Variants in ANKRD44 observed in about 807,000 individuals in gnomAD.
The protein encoded by ANKRD44 is ankyrin repeat domain 44, also known as serine/threonine-protein phosphatase 6 regulatory ankyrin repeat subunit B.
In ANKRD44, 35 loss-of-function variants were observed where a neutral mutation model predicts 116.0. That is an observed-to-expected ratio of 0.30 (90% CI 0.23 to 0.40). The LOEUF (loss-of-function observed/expected upper bound fraction) is 0.40. ANKRD44 is among the 10% of genes least tolerant of loss of function. ANKRD44 has a pLI of 1.00. For synonymous variants in ANKRD44, 435 were observed against 461.8 expected (o/e 0.94, Z 0.74); for missense variants, 1,014 against 1,242.6 (o/e 0.82, Z 2.77).
intron 4 of ANKRD44, among the ~76,000 whole-genome samples, chr2:197,130,187 G>T (rs187562052): frequency 3.9e-5 from 6 of 152,222 alleles, no homozygotes; most frequent in African/African-American, 1.4e-4. Context: ...TGTATAAATT[G>T]ATGTCCAACC....
intron 2 of ANKRD44, among the ~76,000 whole-genome samples, chr2:197,155,944 A>G (rs1331812457): frequency 6.6e-6 from 1 of 152,264 alleles, no homozygotes; most frequent in Non-Finnish European, 1.5e-5. Context: ...TAGAACCTAC[A>G]AAACAACTCT....
Position 197,134,119 on chromosome 2 carries a change from A to C in ANKRD44, c.261+2473T>G, listed in dbSNP as rs566677890. Reference sequence around the variant, plus strand: ...CAGGCATGCGCCACCATGCCCAGCTAATTTTGTATTTTTAGCAGAGACGGG... The same window carrying C: ...CAGGCATGCGCCACCATGCCCAGCTCATTTTGTATTTTTAGCAGAGACGGG... On this transcript the variant is annotated intron_variant, in intron 4 of 27. Transcript: ENST00000282272. 3.2e-4 allele frequency: 49 copies of C among 151,366 alleles called. 1 individual carries two copies. The highest frequency in any genetic ancestry group is 9.9e-4 in the African/African-American group (41 of 41,208). 9.4% of individuals were successfully genotyped at this position (151,366 alleles called of 1,614,324 possible).
At chr2:197,248,628 G>C (rs1454913894) in intron 1 of ANKRD44, among the ~76,000 whole-genome samples, 1 of 150,022 alleles carries the variant, frequency 6.7e-6, no homozygotes, top group Non-Finnish European at 1.5e-5. Context: ...GAAAGACATA[G>C]AGACATAGAT....
intron 8 of ANKRD44, among the ~76,000 whole-genome samples, chr2:197,118,670 A>AGAAAGAAAGATG (rs752322121): frequency 2.6e-5 from 4 of 151,546 alleles, no homozygotes; most frequent in Admixed American, 2.6e-4. Flanking sequence ...AAAGAAAGAA[A>AGAAAGAAAGATG]GAAAGAAAAA....
chr2:197,270,753 C>A (rs2082874803), intron 1 of ANKRD44, among the ~76,000 whole-genome samples: 1 of 152,126 alleles, frequency 6.6e-6, no homozygotes, highest in Admixed American at 6.5e-5. Flanking sequence ...CAAACAGGAG[C>A]CAATATGGCA....
intron 11 of ANKRD44, 68 bp downstream of exon 11, chr2:197,089,882 G>T: frequency 7.1e-7 from 1 of 1,402,198 alleles, no homozygotes; most frequent in South Asian, 1.2e-5. Flanking sequence ...ACTCTGACCA[G>T]ACACCTGAAG....
chr2:196,990,538 C>A, intron 27 of ANKRD44: 1 of 1,229,250 alleles, frequency 8.1e-7, no homozygotes, highest in Non-Finnish European at 1.0e-6. Context: ...GCCTCACTGC[C>A]CTCCCTCGAT....
chr2:197,262,159 C>A (rs1278892253), intron 1 of ANKRD44, among the ~76,000 whole-genome samples: 1 of 152,134 alleles, frequency 6.6e-6, no homozygotes, highest in Admixed American at 6.5e-5. Flanking sequence ...GCACTCTGGG[C>A]AGAGAGCAAT....
intron 1 of ANKRD44, chr2:197,301,444 C>T (rs566154079): frequency 1.1e-4 from 17 of 152,284 alleles, no homozygotes; most frequent in South Asian, 4.1e-4. Flanking sequence ...GAATTACCTA[C>T]GACTGAGAAT....
intron 8 of ANKRD44, among the ~76,000 whole-genome samples, chr2:197,113,468 A>G (rs1358272373): frequency 6.6e-6 from 1 of 152,188 alleles, no homozygotes; most frequent in Admixed American, 6.6e-5. Context: ...ATAAGTAATT[A>G]TTAATTAAAT....
intron 16 of ANKRD44, among the ~76,000 whole-genome samples, chr2:197,043,191 G>A (rs181397533): frequency 6.2e-4 from 95 of 152,302 alleles, no homozygotes; most frequent in Middle Eastern, 3.4e-3. Flanking sequence ...TTAAGTTTTT[G>A]TAGTACCTGG....
intron 16 of ANKRD44, chr2:197,077,968 A>G (rs1288194684): frequency 6.6e-6 from 1 of 152,124 alleles, no homozygotes; most frequent in Non-Finnish European, 1.5e-5. Context: ...AACAGAAATA[A>G]TGGTACCAAA....
chr2:197,117,252 A>AT (rs1189101123), intron 8 of ANKRD44, among the ~76,000 whole-genome samples: 2 of 151,018 alleles, frequency 1.3e-5, no homozygotes, highest in Non-Finnish European at 3.0e-5. Flanking sequence ...TTATTTATTT[A>AT]TTTTTTTGAC....
At chr2:197,098,676 T>C (rs1363395484) in intron 10 of ANKRD44, among the ~76,000 whole-genome samples, 1 of 152,190 alleles carries the variant, frequency 6.6e-6, no homozygotes, top group Non-Finnish European at 1.5e-5. Context: ...ACATGCGTTA[T>C]CTTTTTAATA....
intron 20 of ANKRD44, among the ~76,000 whole-genome samples, chr2:197,007,251 A>G (rs1203913883): frequency 6.6e-6 from 1 of 152,232 alleles, no homozygotes; most frequent in Non-Finnish European, 1.5e-5. Context: ...CTTGAACACA[A>G]TGAGGCATTA....
intron 27 of ANKRD44, among the ~76,000 whole-genome samples, chr2:196,992,295 T>C (rs918302783): frequency 1.3e-5 from 2 of 152,244 alleles, no homozygotes; most frequent in African/African-American, 4.8e-5. Context: ...CATTCCTTTT[T>C]CTGGTATGAA....
intron 23 of ANKRD44, 24 bp downstream of exon 23, chr2:197,000,395 A>T: frequency 6.3e-7 from 1 of 1,588,510 alleles, no homozygotes; most frequent in Non-Finnish European, 8.6e-7. Flanking sequence ...TCAAGAAAAA[A>T]GCATGCTGTT....
At chr2:197,192,494 C>T (rs575425381) in intron 1 of ANKRD44, among the ~76,000 whole-genome samples, 2 of 152,268 alleles carry the variant, frequency 1.3e-5, no homozygotes, top group South Asian at 4.1e-4. Context: ...GTACATATGT[C>T]ATTAAAGTAA....
chr2:197,257,525 G>T (rs2712893), intron 1 of ANKRD44, among the ~76,000 whole-genome samples: 16 of 151,642 alleles, frequency 1.1e-4, no homozygotes, highest in Non-Finnish European at 2.1e-4. Flanking sequence ...AATATTTTTG[G>T]ACAAATTTTT....
Sources: allele counts gnomAD v4.1 joint callset (sites outside exome capture counted in the v4.1 genomes callset), GRCh38; gene constraint gnomAD v4.1.1; transcripts MANE v1.5; gene names NCBI Gene and HGNC (gene_info 2026-07-23, HGNC 2026-07-21).